Variants in ADGRV1 observed in about 807,000 individuals in gnomAD.
The protein encoded by ADGRV1 is G-protein coupled receptor 98.
Under a neutral mutation model 596.2 loss-of-function variants are expected in ADGRV1, and 359 were observed. The observed-to-expected ratio is 0.60, with a 90% CI of 0.55 to 0.66. The LOEUF is 0.66. ADGRV1 is among the 30% of genes least tolerant of loss of function. ADGRV1 has a pLI of 0.00. For synonymous variants in ADGRV1, 2,681 were observed against 2,679.2 expected (o/e 1.00, Z -0.02); for missense variants, 7,274 against 7,575.6 (o/e 0.96, Z 1.48).
At chr5:90,992,603 G>T (rs1228167201) in intron 85 of ADGRV1, among the ~76,000 whole-genome samples, 1 of 152,178 alleles carries the variant, frequency 6.6e-6, no homozygotes. Flanking sequence ...ACTCTTCCGT[G>T]AGAAAGAACA....
At chr5:90,615,131 A>C in intron 2 of ADGRV1, 112 bp downstream of exon 2, 1 of 618,800 alleles carries the variant, frequency 1.6e-6, no homozygotes. Context: ...CATTATGATA[A>C]ATGATGGATA....
At chr5:90,568,917 A>G (rs1346092593) in intron 1 of ADGRV1, among the ~76,000 whole-genome samples, 2 of 152,160 alleles carry the variant, frequency 1.3e-5, no homozygotes, top group Admixed American at 1.3e-4. Flanking sequence ...TTTGTCCAAT[A>G]TTAATGTCTT....
At position 90,854,073 on chromosome 5, in the gene ADGRV1, G is replaced by A; in HGVS notation, c.17466G>A (p.Leu5822=). The change falls in exon 81 of 90, where the codon TTG becomes TTA. Residue 5822 remains leucine, a synonymous_variant. Transcript: ENST00000405460. ...TTTTAACATTCTAGGTATTATCTTT[G>A]AGTGTGAAAGGTCAGAGTTCACAAC... ...LPTLKNKVLS[L]SVKGQSSQLL... is the part of the protein sequence containing the mutation. 1 of 1,580,868 alleles carries A rather than the reference G, an allele frequency of 6.3e-7. No homozygotes were observed. The highest frequency in any genetic ancestry group is 8.6e-7 in the Non-Finnish European group (1 of 1,158,760).
intron 1 of ADGRV1, among the ~76,000 whole-genome samples, chr5:90,596,951 CT>C (rs1760765325): frequency 6.6e-6 from 1 of 152,084 alleles, no homozygotes; most frequent in African/African-American, 2.4e-5. Context: ...GGTGGGTGGT[CT>C]TTTTAGTTAT....
chr5:90,851,134 T>TGTGA (rs757909771), intron 79 of ADGRV1, among the ~76,000 whole-genome samples: 1,049 of 81,460 alleles, frequency 0.013, 21 homozygotes, highest in African/African-American at 0.036. Context: ...TGTGTGTGTG[T>TGTGA]GAGAGAGAGA....
At chr5:90,953,901 A>T (rs1186174691) in intron 83 of ADGRV1, among the ~76,000 whole-genome samples, 1 of 152,038 alleles carries the variant, frequency 6.6e-6, no homozygotes, top group African/African-American at 2.4e-5. Flanking sequence ...AAAGATAGGA[A>T]CTGTTTTCTT....
chr5:90,812,720 A>G (rs934724425), intron 74 of ADGRV1, among the ~76,000 whole-genome samples: 2 of 152,204 alleles, frequency 1.3e-5, no homozygotes, highest in African/African-American at 4.8e-5. Flanking sequence ...ATCAATTAGT[A>G]TGATTTATTC....
intron 83 of ADGRV1, among the ~76,000 whole-genome samples, chr5:90,911,796 A>G (rs893854773): frequency 6.6e-5 from 10 of 152,096 alleles, no homozygotes; most frequent in African/African-American, 2.2e-4. Context: ...ATCAGAAACA[A>G]TGTCATAGAC....
At chr5:90,806,674 G>A (rs1329340808) in intron 72 of ADGRV1, among the ~76,000 whole-genome samples, 1 of 152,004 alleles carries the variant, frequency 6.6e-6, no homozygotes, top group African/African-American at 2.4e-5. Context: ...GTCTTCAAAC[G>A]CTTTTGTGAG....
chr5:90,572,650 GCACA>G (rs985846657), intron 1 of ADGRV1, among the ~76,000 whole-genome samples: 1 of 152,060 alleles, frequency 6.6e-6, no homozygotes, highest in African/African-American at 2.4e-5. Context: ...ACACGCACGT[GCACA>G]CACACATGAA....
At chr5:90,801,429 G>T (rs1490236044) in intron 70 of ADGRV1, among the ~76,000 whole-genome samples, 2 of 151,982 alleles carry the variant, frequency 1.3e-5, no homozygotes, top group Non-Finnish European at 2.9e-5. Flanking sequence ...TAAAGATAAA[G>T]AAAAATCATT....
chr5:91,019,559 C>T (rs976594151), intron 85 of ADGRV1, among the ~76,000 whole-genome samples: 14 of 147,832 alleles, frequency 9.5e-5, no homozygotes, highest in Admixed American at 5.5e-4. Flanking sequence ...CATTGCTGTA[C>T]ATTAATTTAC....
chr5:90,783,864 T>A lies in ADGRV1; in HGVS notation c.13460T>A (p.Leu4487Gln), dbSNP rs370968487. ...GAATTTGAGGAGCCCATTGAAATTC[T>A]ACTCACTGGAGCTACTGGAGGAGCG... is the stretch of plus-strand genomic sequence containing the variant. ...ESEFEEPIEI[L>Q]LTGATGGAVL... The change falls in exon 67 of 90, where the codon CTA (leucine) becomes CAA (glutamine). Residue 4487 changes from leucine to glutamine, a missense_variant. This residue lies in a region of ADGRV1 where 3,643 missense variants were observed against 3,809.2 expected (regional missense o/e 0.96). Transcript: ENST00000405460. 38 of 1,609,296 alleles carry A rather than the reference T, an allele frequency of 2.4e-5. 1 individual carries two copies. The African/African-American group carries it at 3.2e-4, about 14-fold the overall frequency.
At chr5:90,823,280 A>C (rs1047316701) in intron 75 of ADGRV1, 145 bp from the exon 76 acceptor site, 1 of 770,696 alleles carries the variant, frequency 1.3e-6, no homozygotes, top group Non-Finnish European at 2.1e-6. Flanking sequence ...CTGCATCATC[A>C]GTGGTAAAGT....
At chr5:90,881,030 G>T (rs1247831422) in intron 83 of ADGRV1, among the ~76,000 whole-genome samples, 2 of 152,142 alleles carry the variant, frequency 1.3e-5, no homozygotes, top group Non-Finnish European at 2.9e-5. Flanking sequence ...TCTGCTCAAT[G>T]ATGTATTCTT....
intron 87 of ADGRV1, among the ~76,000 whole-genome samples, chr5:91,136,493 C>T (rs115584650): frequency 5.1e-4 from 77 of 152,300 alleles, no homozygotes; most frequent in African/African-American, 1.8e-3. Flanking sequence ...GGCAGGCCAC[C>T]TCAACTGGTA....
intron 85 of ADGRV1, among the ~76,000 whole-genome samples, chr5:90,989,587 T>C (rs973716520): frequency 6.6e-6 from 1 of 152,156 alleles, no homozygotes; most frequent in South Asian, 2.1e-4. Flanking sequence ...ATCTATAATT[T>C]CTTCATTTTA....
At chr5:91,139,677 C>T (rs986503054) in intron 87 of ADGRV1, among the ~76,000 whole-genome samples, 1 of 152,186 alleles carries the variant, frequency 6.6e-6, no homozygotes, top group African/African-American at 2.4e-5. Flanking sequence ...ATCAAACTGG[C>T]TGATTTAATG....
intron 75 of ADGRV1, among the ~76,000 whole-genome samples, chr5:90,817,101 G>A (rs138845400): frequency 0.026 from 3,990 of 152,122 alleles, 169 homozygotes; most frequent in African/African-American, 0.09. Context: ...AATGATTGCC[G>A]TTCTAACTGG....
Sources: allele counts gnomAD v4.1 joint callset (sites outside exome capture counted in the v4.1 genomes callset), GRCh38; gene constraint gnomAD v4.1.1; regional missense constraint gnomAD v4.1.1; transcripts MANE v1.5; gene names NCBI Gene and HGNC (gene_info 2026-07-23, HGNC 2026-07-21).